The following IGSF22 variants were observed in gnomAD, a reference collection of about 807,000 sequenced individuals.
IGSF22 encodes immunoglobulin superfamily, member 22.
Under a neutral mutation model 127.0 loss-of-function variants are expected in IGSF22, and 119 were observed. The observed-to-expected ratio is 0.94, with a 90% CI of 0.81 to 1.09. The LOEUF is 1.09. Among genes scored for constraint, IGSF22 ranks in the 50% least tolerant of loss-of-function variants. The pLI, the probability that IGSF22 is intolerant of heterozygous loss-of-function variation, is 0.00. For missense variants in IGSF22, 1,518 were observed against 1,716.6 expected (o/e 0.88, Z 2.04); for synonymous variants, 568 against 664.7 (o/e 0.85, Z 2.24).
At chr11:18,706,235 C>T in intron 21 of IGSF22, 89 bp from the exon 22 acceptor site, 1 of 1,256,614 alleles carries the variant, frequency 8.0e-7, no homozygotes, top group Non-Finnish European at 1.1e-6. Context: ...CACGGAACCC[C>T]GAGGACCTAG....
chr11:18,718,149 G>T (rs1228938511), intron 8 of IGSF22, 56 bp from the exon 9 acceptor site: 1 of 1,562,750 alleles, frequency 6.4e-7, no homozygotes, highest in Non-Finnish European at 8.7e-7. Flanking sequence ...GAAGCTTCCA[G>T]AGGTCTCCAT....
chr11:18,710,393 CA>C lies in IGSF22; in HGVS notation c.2634del (p.Val879Ter). The stretch of plus-strand genomic sequence containing the variant: ...GGCTGTCCAGGGCCTGCCTTATTTA[CA>C]GCTATAACTCGGAATTCATATTCTG... ...EDTEYEFRVI[A>X]VNKAGPGQPS... On this transcript the variant is annotated frameshift_variant, in exon 17 of 23. Transcript: ENST00000513874. LOFTEE classifies it high-confidence loss of function. 1 of 1,614,212 alleles carries C rather than the reference CA, an allele frequency of 6.2e-7. No individual in the cohort carries two copies. Among genetic ancestry groups the C allele is most frequent in the Non-Finnish European group, 8.5e-7 (1 of 1,180,042 alleles).
chr11:18,720,348 G>T, intron 4 of IGSF22, 63 bp from the exon 5 acceptor site: 2 of 1,325,660 alleles, frequency 1.5e-6, no homozygotes, highest in Non-Finnish European at 2.1e-6. Flanking sequence ...CTTTCTGTCA[G>T]ATAAGGTAGG....
rs189040939 is a variant in IGSF22 at position 18,714,158 on chromosome 11, G to T, written c.1799-10C>A. The stretch of plus-strand genomic sequence containing the variant: ...TCGATGGTAGGAGGATCTGTGGGGC[G>T]GGGCGGCAGGGAAGGCTTGAGCATT... On this transcript the variant is annotated splice_polypyrimidine_tract_variant and intron_variant, in intron 13 of 22. Transcript: ENST00000513874. 6.2e-7 allele frequency: 1 copy of T among 1,603,760 alleles called. No homozygotes were observed. The highest frequency in any genetic ancestry group is 8.5e-7 in the Non-Finnish European group (1 of 1,173,510).
chr11:18,710,065 A>G (rs1274870274), intron 17 of IGSF22, among the ~76,000 whole-genome samples: 1 of 152,088 alleles, frequency 6.6e-6, no homozygotes, highest in East Asian at 1.9e-4. Context: ...AACCCTCAGC[A>G]TGCCTCTCCT....
At chr11:18,721,385 C>T in intron 4 of IGSF22, 150 bp downstream of exon 4, 1 of 1,051,778 alleles carries the variant, frequency 9.5e-7, no homozygotes, top group Non-Finnish European at 1.4e-6. Flanking sequence ...CTTATCCTGC[C>T]GCGCCTCTCG....
chr11:18,710,748 G>A lies in IGSF22; in HGVS notation c.2479C>T (p.Gln827Ter), dbSNP rs1251922814. The A allele has an allele frequency of 3.7e-6, 6 of 1,614,164 alleles. No homozygotes were observed. The highest frequency in any genetic ancestry group is 5.1e-6 in the Non-Finnish European group (6 of 1,179,994). The change falls in exon 16 of 23, where the codon CAG becomes TAG. Residue 827 changes from glutamine to a stop codon, truncating the protein, a stop_gained. Coordinates refer to ENST00000513874, the MANE Select transcript of IGSF22 (RefSeq NM_173588.4). LOFTEE classifies it high-confidence loss of function. The part of the protein sequence containing the change: ...AVTITWNAPT[Q>*]DGGAPVLGYI... Reference sequence around the variant, plus strand: ...CCGAGCACTGGGGCTCCCCCATCCTGGGTAGGGGCATTCCACGTGATGGTC... The same window carrying A: ...CCGAGCACTGGGGCTCCCCCATCCTAGGTAGGGGCATTCCACGTGATGGTC...
Position 18,707,183 on chromosome 11 carries a change from A to C in IGSF22, c.3311T>G (p.Leu1104Trp). 6.5e-7 allele frequency: 1 copy of C among 1,544,046 alleles called. No homozygotes were observed. The highest frequency in any genetic ancestry group is 2.5e-5 in the East Asian group (1 of 40,742). ...DFPRPPTNLR[L>W]FEEVPNTVTL... ...CACTGTGTTGGGGACTTCCTCAAAC[A>C]ACCGTAGGTTTGTGGGGGGCCGAGG... Residue 1104 changes from leucine (L) to tryptophan (W), a missense_variant, in exon 21 of 23, where the codon TTG (leucine) becomes TGG (tryptophan). This residue lies in a region of IGSF22 where 1,456 missense variants were observed against 1,644.9 expected (regional missense o/e 0.89). Coordinates refer to ENST00000513874, the MANE Select transcript of IGSF22 (RefSeq NM_173588.4).
At chr11:18,721,211 G>T (rs1848565264) in intron 4 of IGSF22, among the ~76,000 whole-genome samples, 1 of 152,188 alleles carries the variant, frequency 6.6e-6, no homozygotes, top group Admixed American at 6.5e-5. Flanking sequence ...CCACCGTCTT[G>T]GTCCCGCGTT....
chr11:18,724,188 C>T lies in IGSF22; in HGVS notation c.49G>A (p.Glu17Lys), dbSNP rs762079443. The change falls in exon 2 of 23, where the codon GAG becomes AAG. Residue 17 changes from glutamate to lysine, a missense_variant. By Grantham distance (56) the Glu-to-Lys change is moderately conservative. Around this residue, in one of 3 missense-constraint regions of IGSF22, gnomAD observed 1,456 missense variants for 1,644.9 expected, o/e 0.89. Transcript: ENST00000513874. ...ACGTGGGTGGTGGAGCTGGAGAACT[C>T]CATGGACACGTGCTCCTGCAGCATC... ...RQMLQEHVSM[E>K]FSSSTTHVQT... is the part of the protein sequence containing the mutation. The T allele has an allele frequency of 1.4e-5, 22 of 1,614,062 alleles. No homozygotes were observed. Among genetic ancestry groups the T allele is most frequent in the Non-Finnish European group, 1.9e-5 (22 of 1,179,936 alleles).
chr11:18,724,019 TG>T, intron 2 of IGSF22, 108 bp downstream of exon 2: 1 of 751,848 alleles, frequency 1.3e-6, no homozygotes, highest in Non-Finnish European at 2.3e-6. Flanking sequence ...GTTGGTATTG[TG>T]GGCTCCAGAG....
chr11:18,717,629 G>A (rs1049042759), intron 9 of IGSF22, among the ~76,000 whole-genome samples: 1 of 152,026 alleles, frequency 6.6e-6, no homozygotes, highest in South Asian at 2.1e-4. Flanking sequence ...AACTTTTGGT[G>A]TCAAACGGTT....
chr11:18,719,331 T>G lies in IGSF22; in HGVS notation c.696+385A>C, dbSNP rs1229028821. 7.7e-5 allele frequency among the ~76,000 whole-genome samples: 10 copies of G among 129,094 alleles called. No individual in the cohort carries two copies. In the South Asian group the frequency reaches 2.0e-3, roughly 26 times the overall value. The allele number at this position is 129,094 out of a possible 152,430, so 84.7% of individuals were successfully genotyped here. A position where few individuals can be genotyped will look rare whatever the true frequency, so the allele number is the denominator to read the frequency against. Reference sequence around the variant, plus strand: ...AGCGGTTTTTTTTTGTTTTTTTTTGTTTTTTTTGTATTTTTAGTAGAGACA... The same window carrying G: ...AGCGGTTTTTTTTTGTTTTTTTTTGGTTTTTTTGTATTTTTAGTAGAGACA... On this transcript the variant is annotated intron_variant, in intron 7 of 22. Coordinates refer to ENST00000513874, the MANE Select transcript of IGSF22 (RefSeq NM_173588.4).
At chr11:18,715,301 T>C in intron 11 of IGSF22, 131 bp downstream of exon 11, 1 of 847,224 alleles carries the variant, frequency 1.2e-6, no homozygotes, top group Non-Finnish European at 1.9e-6. Flanking sequence ...GTGATCAGAG[T>C]GGGGAGACAC....
Position 18,716,995 on chromosome 11 carries a change from G to A in IGSF22, c.979C>T (p.Pro327Ser). The part of the protein sequence containing the change: ...MSAELTVLDE[P>S]LKFLGEMKPV... The stretch of plus-strand genomic sequence containing the variant: ...TTCATCTCTCCCAGGAACTTCAGTG[G>A]CTCATCTGCAGCAAACAGTAGGAGT... The change falls in exon 10 of 23, where the codon CCA becomes TCA. Residue 327 changes from proline (P) to serine (S), a missense_variant. By Grantham distance (74) the Pro-to-Ser change is moderately conservative. This residue lies in a region of IGSF22 where 1,456 missense variants were observed against 1,644.9 expected (regional missense o/e 0.89). Transcript: ENST00000513874. The surrounding 1 kb of genome is among the most constrained non-coding windows in gnomAD (Gnocchi z 4.5). 1.2e-6 allele frequency: 2 copies of A among 1,614,050 alleles called. No homozygotes were observed. Among genetic ancestry groups the A allele is most frequent in the Middle Eastern group, 1.6e-4 (1 of 6,062 alleles).
chr11:18,714,525 C>T lies in IGSF22; in HGVS notation c.1631G>A (p.Gly544Asp). 1 of 1,614,234 alleles carries T rather than the reference C, an allele frequency of 6.2e-7. No individual in the cohort carries two copies. Among genetic ancestry groups the T allele is most frequent in the African/African-American group, 1.3e-5 (1 of 75,054 alleles). ...CVVLNDEKVEGVWLKDGKEIT... is the reference protein window; with the variant it reads ...CVVLNDEKVEDVWLKDGKEIT... ...CTCCTTGCCATCCTTCAGCCACACA[C>T]CCTCCACCTTCTCGTCATTCAGCAC... The change falls in exon 12 of 23, where the codon GGT becomes GAT. Residue 544 changes from glycine (G) to aspartate (D), a missense_variant. Transcript: ENST00000513874.
In IGSF22 at chr11:18,721,475, G is replaced by A. The variant is rs117535167; in HGVS notation, c.378+60C>T. On this transcript the variant is annotated intron_variant, in intron 4 of 22. Transcript: ENST00000513874. ...TCATCGGTGAGAAGACTGGCGGCCC[G>A]CCCTGGGGGTCCCTGCCTCTGGCCT... is the stretch of plus-strand genomic sequence containing the variant. 13,891 of 1,610,366 alleles carry A rather than the reference G, an allele frequency of 8.6e-3. 146 individuals are homozygous for A. The highest frequency in any genetic ancestry group is 0.044 in the East Asian group (1,955 of 44,848).
chr11:18,705,786 T>A, intron 22 of IGSF22, 31 bp downstream of exon 22: 3 of 1,510,304 alleles, frequency 2.0e-6, no homozygotes, highest in Non-Finnish European at 1.8e-6. Context: ...CCTCTCCCCC[T>A]CCTCGAGGCC....
Position 18,706,596 on chromosome 11 carries a change from C to A in IGSF22, c.3580+318G>T, listed in dbSNP as rs566274939. ...GGGATCCCAGACATCCTCCCGGCTC[C>A]CTAGAGCCCTCCCCTGTTCTCAGCC... On this transcript the variant is annotated intron_variant, in intron 21 of 22. Coordinates refer to ENST00000513874, the MANE Select transcript of IGSF22 (RefSeq NM_173588.4). 125 of 378,516 alleles carry A rather than the reference C, an allele frequency of 3.3e-4. 2 individuals carry two copies. In the South Asian group the frequency reaches 6.4e-3, roughly 19 times the overall value. The allele number at this position is 378,516 out of a possible 1,614,324, so 23.4% of individuals were successfully genotyped here.
Sources: allele counts gnomAD v4.1 joint callset (sites outside exome capture counted in the v4.1 genomes callset), GRCh38; gene constraint gnomAD v4.1.1; regional missense constraint gnomAD v4.1.1; non-coding constraint Gnocchi (gnomAD v3.1); transcripts MANE v1.5; gene names NCBI Gene and HGNC (gene_info 2026-07-23, HGNC 2026-07-21).